CTNND2: variants seen among roughly 807,000 people sequenced by gnomAD.
CTNND2 encodes the protein catenin delta-2.
CTNND2 carries 22 observed loss-of-function variants against 144.4 expected under a neutral mutation model. The ratio of observed to expected loss-of-function variants is 0.15; its 90% confidence interval spans 0.11 to 0.22. CTNND2 has a LOEUF of 0.22. Ranked by LOEUF, CTNND2 falls within the 10% of genes least tolerant of loss-of-function variation. The pLI is 1.00. For synonymous variants in CTNND2, 751 were observed against 695.6 expected, an observed-to-expected ratio of 1.08 and a Z score of -1.25; for missense variants, 1,353 against 1,618.8, an observed-to-expected ratio of 0.84 and a Z score of 2.82.
At chr5:11,026,733 C>A (rs1008243634) in intron 16 of CTNND2, among the ~76,000 whole-genome samples, 1 of 152,038 alleles carries the variant, frequency 6.6e-6, no homozygotes, top group African/African-American at 2.4e-5. Context: ...ATTCATTTGG[C>A]AGGAAACTAT....
intron 11 of CTNND2, among the ~76,000 whole-genome samples, chr5:11,161,952 C>T (rs1758805709): frequency 6.6e-6 from 1 of 152,056 alleles, no homozygotes; most frequent in Non-Finnish European, 1.5e-5. Context: ...GAGCTCGAGA[C>T]CAGCCTGGGC....
At chr5:11,110,138 T>C (rs1752814136) in intron 14 of CTNND2, among the ~76,000 whole-genome samples, 1 of 152,160 alleles carries the variant, frequency 6.6e-6, no homozygotes, top group African/African-American at 2.4e-5. Flanking sequence ...GTTTGGTCTC[T>C]CATGGGCTCC....
intron 12 of CTNND2, among the ~76,000 whole-genome samples, chr5:11,126,824 C>T (rs1754722253): frequency 6.6e-6 from 1 of 152,198 alleles, no homozygotes; most frequent in South Asian, 2.1e-4. Context: ...TTTTCCTTCA[C>T]ACTTACAGCA....
intron 1 of CTNND2, among the ~76,000 whole-genome samples, chr5:11,813,388 G>T (rs1561819297): frequency 6.6e-6 from 1 of 152,128 alleles, no homozygotes; most frequent in Non-Finnish European, 1.5e-5. Context: ...GTATAGTTGT[G>T]CCTCAGCCAC....
At chr5:11,708,646 T>G (rs1189800848) in intron 2 of CTNND2, among the ~76,000 whole-genome samples, 2 of 152,116 alleles carry the variant, frequency 1.3e-5, no homozygotes, top group Non-Finnish European at 2.9e-5. Context: ...TCAAGTACGA[T>G]GAAGACACAG....
intron 3 of CTNND2, among the ~76,000 whole-genome samples, chr5:11,534,170 G>A (rs1296267283): frequency 2.6e-5 from 4 of 152,248 alleles, no homozygotes; most frequent in East Asian, 3.9e-4. Flanking sequence ...TTGATGGGTA[G>A]AAACACCCTG....
intron 16 of CTNND2, among the ~76,000 whole-genome samples, chr5:11,070,369 G>T (rs1748124341): frequency 6.6e-6 from 1 of 151,970 alleles, no homozygotes; most frequent in Admixed American, 6.5e-5. Flanking sequence ...AATAGCACAT[G>T]GAAGGACCAG....
chr5:11,079,545 A>C (rs919807551), intron 16 of CTNND2, among the ~76,000 whole-genome samples: 1 of 152,144 alleles, frequency 6.6e-6, no homozygotes, highest in African/African-American at 2.4e-5. Flanking sequence ...AGGCATCAGA[A>C]GGCCTCTCTG....
In CTNND2 at chr5:11,543,636, T is replaced by G. The variant is rs1439385587; in HGVS notation, c.287+21308A>C. 1.7e-3 allele frequency among the ~76,000 whole-genome samples: 4 copies of G among 2,346 alleles called. No individual in the cohort carries two copies. In the African/African-American group the frequency reaches 0.022, roughly 13 times the overall value. 1.5% of individuals were successfully genotyped at this position (2,346 alleles called of 152,430 possible). The stretch of plus-strand genomic sequence containing the variant: ...ATACATTATATATCAGTAACGCTGT[T>G]TTTTTTTTTTTTTAAACCTACAGCA... On this transcript the variant is annotated intron_variant, in intron 3 of 21. Transcript: ENST00000304623.
chr5:11,784,095 A>T (rs1418205786), intron 1 of CTNND2, among the ~76,000 whole-genome samples: 1 of 152,242 alleles, frequency 6.6e-6, no homozygotes, highest in African/African-American at 2.4e-5. Flanking sequence ...CTAGGGAATA[A>T]GCTGACTTTT....
intron 2 of CTNND2, among the ~76,000 whole-genome samples, chr5:11,581,910 T>G (rs187396964): frequency 6.6e-6 from 1 of 152,314 alleles, no homozygotes; most frequent in Admixed American, 6.5e-5. Context: ...GTTCTCTGCT[T>G]TAGTTTTTAT....
At chr5:11,662,127 A>G (rs1453004584) in intron 2 of CTNND2, among the ~76,000 whole-genome samples, 2 of 140,286 alleles carry the variant, frequency 1.4e-5, no homozygotes, top group African/African-American at 2.8e-5. Flanking sequence ...GTATATATAT[A>G]TACATATATG....
intron 11 of CTNND2, among the ~76,000 whole-genome samples, chr5:11,182,019 C>T (rs111071823): frequency 0.038 from 789 of 20,642 alleles, 24 homozygotes; most frequent in African/African-American, 0.18. Flanking sequence ...GTGTGTGTGG[C>T]GTGTGTGATG....
chr5:11,625,324 T>G (rs1345066357), intron 2 of CTNND2, among the ~76,000 whole-genome samples: 1 of 151,534 alleles, frequency 6.6e-6, no homozygotes, highest in Non-Finnish European at 1.5e-5. Flanking sequence ...TCAACCAATC[T>G]CATAGGGAAA....
intron 2 of CTNND2, among the ~76,000 whole-genome samples, chr5:11,655,250 G>A (rs991385494): frequency 6.6e-6 from 1 of 151,884 alleles, no homozygotes. Context: ...ACATGTAAGA[G>A]AGACTTAACT....
chr5:11,686,813 T>C (rs1784674609), intron 2 of CTNND2, among the ~76,000 whole-genome samples: 1 of 148,294 alleles, frequency 6.7e-6, no homozygotes, highest in African/African-American at 2.4e-5. Flanking sequence ...TAAATATATA[T>C]TTATATACTA....
At chr5:11,666,821 C>G (rs556373585) in intron 2 of CTNND2, among the ~76,000 whole-genome samples, 4 of 152,024 alleles carry the variant, frequency 2.6e-5, no homozygotes, top group African/African-American at 9.7e-5. Context: ...GCAGAATGTA[C>G]AGGTTTGTTA....
At chr5:11,113,053 A>T (rs1226589776) in intron 13 of CTNND2, among the ~76,000 whole-genome samples, 3 of 152,116 alleles carry the variant, frequency 2.0e-5, no homozygotes, top group Non-Finnish European at 4.4e-5. Flanking sequence ...AGGCAGGAGA[A>T]TGGTGTGAAC....
At chr5:11,313,786 G>A (rs759921997) in intron 9 of CTNND2, among the ~76,000 whole-genome samples, 1 of 152,186 alleles carries the variant, frequency 6.6e-6, no homozygotes, top group Non-Finnish European at 1.5e-5. Context: ...ATTGGCTTAT[G>A]GTTCCGCAGG....
Sources: gnomAD v4.1 joint callset for allele counts (sites outside exome capture counted in the v4.1 genomes callset) on GRCh38, gnomAD v4.1.1 for gene constraint, MANE v1.5 for transcripts, NCBI Gene and HGNC (gene_info 2026-07-23, HGNC 2026-07-21) for gene names.